GRM8: variants seen among roughly 807,000 people sequenced by gnomAD.
GRM8 encodes the protein glutamate metabotropic receptor 8.
A neutral mutation model predicts 87.2 loss-of-function variants in GRM8; 47 were observed. The observed-to-expected ratio is 0.54, with a 90% CI of 0.43 to 0.69. The LOEUF is 0.69. Ranked by LOEUF, GRM8 falls within the 30% of genes least tolerant of loss-of-function variation. The pLI, the probability that GRM8 is intolerant of heterozygous loss-of-function variation, is 0.00. For missense variants in GRM8, 1,019 were observed against 1,139.2 expected, an observed-to-expected ratio of 0.89 and a Z score of 1.52; for synonymous variants, 396 against 404.5, an observed-to-expected ratio of 0.98 and a Z score of 0.25.
At chr7:126,809,530 C>T (rs1296223934) in intron 6 of GRM8, among the ~76,000 whole-genome samples, 1 of 152,158 alleles carries the variant, frequency 6.6e-6, no homozygotes. Flanking sequence ...CAAAGACCTT[C>T]CCATACTCTA....
intron 3 of GRM8, among the ~76,000 whole-genome samples, chr7:127,009,653 T>C (rs1814672802): frequency 6.6e-6 from 1 of 152,134 alleles, no homozygotes; most frequent in Non-Finnish European, 1.5e-5. Flanking sequence ...TTTTACTTTA[T>C]CACAAAAATT....
At chr7:127,076,437 C>A (rs1822263944) in intron 3 of GRM8, among the ~76,000 whole-genome samples, 1 of 152,160 alleles carries the variant, frequency 6.6e-6, no homozygotes, top group Admixed American at 6.5e-5. Flanking sequence ...GCTTTGAGCC[C>A]AGGAAAGCAG....
intron 9 of GRM8, among the ~76,000 whole-genome samples, chr7:126,492,768 T>C (rs1808178016): frequency 6.6e-6 from 1 of 152,092 alleles, no homozygotes; most frequent in Admixed American, 6.6e-5. Flanking sequence ...ATTCCTTATA[T>C]ATAGATTTCA....
chr7:127,076,252 GA>G (rs767107224), intron 3 of GRM8: 119 of 453,660 alleles, frequency 2.6e-4, no homozygotes, highest in Non-Finnish European at 2.9e-4. Flanking sequence ...GACAAGGAAA[GA>G]AAAATGAGGC....
chr7:126,855,135 C>A (rs1035215063), intron 6 of GRM8, among the ~76,000 whole-genome samples: 8 of 152,024 alleles, frequency 5.3e-5, no homozygotes, highest in Admixed American at 5.2e-4. Flanking sequence ...CAGATGTAGA[C>A]CATAACCTTA....
intron 2 of GRM8, among the ~76,000 whole-genome samples, chr7:127,225,732 A>G (rs929189929): frequency 2.0e-5 from 3 of 149,972 alleles, no homozygotes; most frequent in African/African-American, 4.9e-5. Context: ...GCATTTTCTG[A>G]CTTAGAAATA....
intron 7 of GRM8, among the ~76,000 whole-genome samples, chr7:126,762,761 T>C (rs1467885784): frequency 1.3e-5 from 2 of 151,848 alleles, no homozygotes; most frequent in African/African-American, 4.8e-5. Flanking sequence ...TTTCAATGAA[T>C]TACTGTAAAT....
At chr7:126,723,143 A>G (rs1035661589) in intron 7 of GRM8, among the ~76,000 whole-genome samples, 8 of 151,696 alleles carry the variant, frequency 5.3e-5, no homozygotes, top group Non-Finnish European at 8.8e-5. Flanking sequence ...TAGAAATTGA[A>G]GGGCTGTAAT....
intron 3 of GRM8, among the ~76,000 whole-genome samples, chr7:126,979,321 A>C (rs1811301057): frequency 1.3e-5 from 2 of 152,234 alleles, no homozygotes; most frequent in Non-Finnish European, 2.9e-5. Flanking sequence ...CTGCTAAAAC[A>C]AAAACCACAG....
chr7:126,965,270 TG>T (rs1267060761), intron 3 of GRM8, among the ~76,000 whole-genome samples: 1 of 151,910 alleles, frequency 6.6e-6, no homozygotes, highest in Admixed American at 6.6e-5. Flanking sequence ...GTAACAAACC[TG>T]CACATTCTGC....
chr7:126,525,154 G>A (rs1813643868), intron 9 of GRM8, among the ~76,000 whole-genome samples: 1 of 152,162 alleles, frequency 6.6e-6, no homozygotes, highest in Non-Finnish European at 1.5e-5. Flanking sequence ...GGCTGACTAT[G>A]AACTTGTGAG....
At chr7:126,912,002 G>A (rs577742082) in intron 3 of GRM8, among the ~76,000 whole-genome samples, 151 of 152,148 alleles carry the variant, frequency 9.9e-4, no homozygotes, top group African/African-American at 3.5e-3. Flanking sequence ...AGACCATCCT[G>A]GCTAACACAG....
intron 9 of GRM8, among the ~76,000 whole-genome samples, chr7:126,507,374 G>C (rs144675971): frequency 2.0e-5 from 3 of 152,034 alleles, no homozygotes; most frequent in African/African-American, 7.2e-5. Context: ...AAAATAGCAC[G>C]TCTTATGGTG....
At chr7:126,600,392 C>T (rs975266) in intron 8 of GRM8, among the ~76,000 whole-genome samples, 48,775 of 151,826 alleles carry the variant, frequency 0.32, 8,467 homozygotes, top group East Asian at 0.44. Flanking sequence ...TGGCTTCTGA[C>T]TAGGGGAAAT....
chr7:127,108,907 C>T (rs527383947), intron 2 of GRM8, among the ~76,000 whole-genome samples: 2 of 152,258 alleles, frequency 1.3e-5, no homozygotes, highest in African/African-American at 4.8e-5. Flanking sequence ...TTTTTTCACT[C>T]TACAATAATA....
intron 6 of GRM8, among the ~76,000 whole-genome samples, chr7:126,860,974 T>A (rs908651289): frequency 6.6e-6 from 1 of 152,186 alleles, no homozygotes; most frequent in Non-Finnish European, 1.5e-5. Flanking sequence ...AAAATTGTTG[T>A]ATGGTTTGTG....
chr7:126,763,772 T>C (rs1290732096), intron 7 of GRM8, among the ~76,000 whole-genome samples: 1 of 151,878 alleles, frequency 6.6e-6, no homozygotes, highest in Non-Finnish European at 1.5e-5. Flanking sequence ...AAAATACTAT[T>C]AAAATTCCAG....
chr7:126,979,751 T>A (rs186765630), intron 3 of GRM8, among the ~76,000 whole-genome samples: 70 of 152,332 alleles, frequency 4.6e-4, no homozygotes, highest in Admixed American at 1.3e-3. Flanking sequence ...GGATCTCACA[T>A]AAGCTTGGCA....
At chr7:126,658,703 G>A (rs981129116) in intron 7 of GRM8, among the ~76,000 whole-genome samples, 1 of 151,570 alleles carries the variant, frequency 6.6e-6, no homozygotes, top group African/African-American at 2.4e-5. Context: ...TGTGCTCTAA[G>A]GAACTGGAAT....
Sources: gnomAD v4.1 joint callset for allele counts (sites outside exome capture counted in the v4.1 genomes callset) on GRCh38, gnomAD v4.1.1 for gene constraint, MANE v1.5 for transcripts, NCBI Gene and HGNC (gene_info 2026-07-23, HGNC 2026-07-21) for gene names.